Variants in TBC1D1 observed in about 807,000 individuals in gnomAD.
TBC1D1 encodes the protein TBC1 domain family member 1.
In TBC1D1, 89 loss-of-function variants were observed where a neutral mutation model predicts 125.6. The observed-to-expected ratio is 0.71, with a 90% CI of 0.60 to 0.85. TBC1D1 has a LOEUF of 0.85. Among genes scored for constraint, TBC1D1 ranks in the 40% least tolerant of loss-of-function variants. The probability of loss-of-function intolerance (pLI) is 0.00; values close to 1 mark genes in which losing one functional copy is unlikely to be tolerated. For synonymous variants in TBC1D1, 565 were observed against 564.1 expected, an observed-to-expected ratio of 1.00 and a Z score of -0.02; for missense variants, 1,377 against 1,469.2, an observed-to-expected ratio of 0.94 and a Z score of 1.03.
At chr4:37,934,541 C>G (rs1387619323) in intron 2 of TBC1D1, among the ~76,000 whole-genome samples, 2 of 152,046 alleles carry the variant, frequency 1.3e-5, no homozygotes, top group Non-Finnish European at 1.5e-5. Flanking sequence ...GTGTCCCAGG[C>G]CTGAGAGTTG....
chr4:38,106,050 G>A (rs551726732), intron 15 of TBC1D1, among the ~76,000 whole-genome samples: 1 of 152,290 alleles, frequency 6.6e-6, no homozygotes, highest in South Asian at 2.1e-4. Flanking sequence ...ATACAGCAGT[G>A]GCTCTTTATT....
intron 12 of TBC1D1, among the ~76,000 whole-genome samples, chr4:38,066,879 T>G (rs115485803): frequency 0.044 from 6,723 of 151,816 alleles, 195 homozygotes; most frequent in South Asian, 0.083. Context: ...CTAACAAGAT[T>G]TTTTTTTTCT....
chr4:38,071,863 T>C (rs1292217429), intron 12 of TBC1D1, among the ~76,000 whole-genome samples: 1 of 152,232 alleles, frequency 6.6e-6, no homozygotes, highest in African/African-American at 2.4e-5. Context: ...TGCTCCGTTT[T>C]ACAGATGAGA....
At chr4:37,993,045 C>T (rs1032007448) in intron 2 of TBC1D1, among the ~76,000 whole-genome samples, 4 of 152,058 alleles carry the variant, frequency 2.6e-5, no homozygotes, top group Non-Finnish European at 5.9e-5. Flanking sequence ...CTCAGGTGAT[C>T]CGCCTGCCTC....
At chr4:37,996,033 G>T in intron 2 of TBC1D1, 1 of 517,638 alleles carries the variant, frequency 1.9e-6, no homozygotes, top group Non-Finnish European at 3.9e-6. Flanking sequence ...GGCCCGGAGG[G>T]AGGTCAGGCA....
At chr4:38,040,410 T>TC (rs1344439408) in intron 8 of TBC1D1, among the ~76,000 whole-genome samples, 1 of 152,158 alleles carries the variant, frequency 6.6e-6, no homozygotes, top group Non-Finnish European at 1.5e-5. Context: ...TGCCTCAGCC[T>TC]CCTGAGTAGC....
At chr4:38,111,505 CTG>C (rs1762196325) in intron 15 of TBC1D1, among the ~76,000 whole-genome samples, 1 of 152,112 alleles carries the variant, frequency 6.6e-6, no homozygotes, top group African/African-American at 2.4e-5. Flanking sequence ...TAAAAAATGA[CTG>C]TTTTCCAAAA....
intron 1 of TBC1D1, among the ~76,000 whole-genome samples, chr4:37,897,969 G>A (rs1715006718): frequency 6.6e-6 from 1 of 152,174 alleles, no homozygotes; most frequent in African/African-American, 2.4e-5. Flanking sequence ...TTACTTTCAT[G>A]AAATGCCTGA....
chr4:38,103,497 G>A (rs1445666367), intron 15 of TBC1D1, among the ~76,000 whole-genome samples: 2 of 152,178 alleles, frequency 1.3e-5, no homozygotes, highest in Non-Finnish European at 2.9e-5. Flanking sequence ...ACGTATAGAT[G>A]TTCAGAACCG....
At chr4:37,934,547 A>G (rs1723983567) in intron 2 of TBC1D1, among the ~76,000 whole-genome samples, 1 of 152,162 alleles carries the variant, frequency 6.6e-6, no homozygotes, top group African/African-American at 2.4e-5. Context: ...CAGGCCTGAG[A>G]GTTGATGCAT....
At chr4:37,981,832 T>A (rs557613971) in intron 2 of TBC1D1, among the ~76,000 whole-genome samples, 2 of 152,112 alleles carry the variant, frequency 1.3e-5, no homozygotes, top group South Asian at 4.1e-4. Flanking sequence ...TCAGCTGATG[T>A]ATATTTCGGA....
At chr4:37,933,050 TAAAAACAA>T (rs1326883231) in intron 2 of TBC1D1, among the ~76,000 whole-genome samples, 2 of 144,692 alleles carry the variant, frequency 1.4e-5, no homozygotes, top group Non-Finnish European at 1.5e-5. Flanking sequence ...AGACTCCATT[TAAAAACAA>T]AAAAACAAAA....
intron 2 of TBC1D1, among the ~76,000 whole-genome samples, chr4:37,917,157 C>T (rs1305806575): frequency 6.6e-6 from 1 of 151,906 alleles, no homozygotes; most frequent in Non-Finnish European, 1.5e-5. Flanking sequence ...TCCCCAAATA[C>T]CTATTACAGT....
chr4:37,897,815 A>T (rs1443640531), intron 1 of TBC1D1, among the ~76,000 whole-genome samples: 1 of 152,198 alleles, frequency 6.6e-6, no homozygotes, highest in Non-Finnish European at 1.5e-5. Flanking sequence ...ACAGGAGTAG[A>T]AGTCGATCCA....
intron 12 of TBC1D1, among the ~76,000 whole-genome samples, chr4:38,068,952 C>T (rs371917187): frequency 1.1e-4 from 17 of 152,328 alleles, no homozygotes; most frequent in Non-Finnish European, 2.2e-4. Flanking sequence ...TGTACTGTCT[C>T]CTGACTAAAG....
chr4:38,132,341 C>G (rs1406490094), intron 18 of TBC1D1, among the ~76,000 whole-genome samples: 1 of 152,220 alleles, frequency 6.6e-6, no homozygotes, highest in Non-Finnish European at 1.5e-5. Context: ...TGGGCAGCAG[C>G]AGCAGCAGCT....
At chr4:38,135,878 GTGTGTGTGTA>G (rs1766451476) in intron 19 of TBC1D1, among the ~76,000 whole-genome samples, 1 of 151,150 alleles carries the variant, frequency 6.6e-6, no homozygotes, top group African/African-American at 2.5e-5. Context: ...ATATATGTGT[GTGTGTGTGTA>G]TATATGTGTG....
At position 38,137,269 on chromosome 4, in the gene TBC1D1, G is replaced by A; in HGVS notation, c.3441G>A (p.Arg1147=). The A allele has an allele frequency of 6.2e-7, 1 of 1,611,798 alleles. No homozygotes were observed. Among genetic ancestry groups the A allele is most frequent in the Non-Finnish European group, 8.5e-7 (1 of 1,179,964 alleles). The change falls in exon 20 of 20, where the codon CGG becomes CGA. Residue 1147 remains arginine (R), a synonymous_variant. Coordinates refer to ENST00000261439, the MANE Select transcript of TBC1D1 (RefSeq NM_015173.4). ...TGCTGCAGACGGTGGAGGAGCTGCG[G>A]CGGCGGAGCGCAGAGCCCAGCGACC... is the stretch of plus-strand genomic sequence containing the variant.
chr4:37,903,389 T>G (rs1001765027), intron 2 of TBC1D1, among the ~76,000 whole-genome samples: 3 of 152,216 alleles, frequency 2.0e-5, no homozygotes, highest in African/African-American at 7.2e-5. Flanking sequence ...TCAGTTGGGC[T>G]CAGGGCTCCA....
Sources: allele counts gnomAD v4.1 joint callset (sites outside exome capture counted in the v4.1 genomes callset), GRCh38; gene constraint gnomAD v4.1.1; transcripts MANE v1.5; gene names NCBI Gene and HGNC (gene_info 2026-07-23, HGNC 2026-07-21).